Variants in PIGO observed in about 807,000 individuals in gnomAD.
The protein encoded by PIGO is GPI ethanolamine phosphate transferase 3, catalytic subunit.
A neutral mutation model predicts 86.9 loss-of-function variants in PIGO; 66 were observed. The ratio of observed to expected loss-of-function variants is 0.76; its 90% CI spans 0.62 to 0.93. The LOEUF (loss-of-function observed/expected upper bound fraction) is 0.93. PIGO is among the 40% of genes least tolerant of loss of function. The probability of loss-of-function intolerance (pLI) is 0.00; values close to 1 mark genes in which losing one functional copy is unlikely to be tolerated. For synonymous variants in PIGO, 570 were observed against 556.4 expected, an observed-to-expected ratio of 1.02 and a Z score of -0.34; for missense variants, 1,202 against 1,359.1, an observed-to-expected ratio of 0.88 and a Z score of 1.82.
Position 35,088,842 on chromosome 9 carries a change from G to A in PIGO, c.*250C>T. 1.9e-5 allele frequency: 8 copies of A among 428,940 alleles called. No homozygotes were observed. In the South Asian group the frequency reaches 2.0e-4, roughly 11 times the overall value. The allele number at this position is 428,940 out of a possible 1,614,324, so 26.6% of individuals were successfully genotyped here. On this transcript the variant is annotated 3_prime_UTR_variant, in exon 11 of 11. Transcript: ENST00000378617. ...TTATAGGTGCAAGTCACCACGCCCG[G>A]CCTATTTTATTCCACTTCGGAGACC...
chr9:35,089,657 G>A, intron 9 of PIGO: 4 of 1,434,634 alleles, frequency 2.8e-6, no homozygotes, highest in South Asian at 3.0e-5. Context: ...CTTTGGGCAA[G>A]TCAGTATCCA....
At position 35,095,077 on chromosome 9, in the gene PIGO, G is replaced by A. The variant is rs1265046370; in HGVS notation, c.489C>T (p.Leu163=). The A allele has an allele frequency of 1.9e-6, 3 of 1,609,918 alleles. No homozygotes were observed. Among genetic ancestry groups the A allele is most frequent in the East Asian group, 2.2e-5 (1 of 44,826 alleles). The change falls in exon 2 of 11, where the codon CTC becomes CTT. Residue 163 remains leucine (L), a synonymous_variant. Coordinates refer to ENST00000378617, the MANE Select transcript of PIGO (RefSeq NM_032634.4). Reference sequence around the variant, plus strand: ...GACCTGCACTGGTGAGCTGCTTAATGAGATTGTCTTCCACTATGGCGTGGC... The same window carrying A: ...GACCTGCACTGGTGAGCTGCTTAATAAGATTGTCTTCCACTATGGCGTGGC... ...FASHAIVEDN[L]IKQLTSAGRR... is the part of the protein sequence containing the mutation.
At position 35,091,524 on chromosome 9, in the gene PIGO, G is replaced by C. The variant is rs1390807512; in HGVS notation, c.2363C>G (p.Thr788Ser). The C allele has an allele frequency of 6.2e-7, 1 of 1,614,094 alleles. No homozygotes were observed. The highest frequency in any genetic ancestry group is 8.5e-7 in the Non-Finnish European group (1 of 1,180,050). The change falls in exon 7 of 11, where the codon ACT (threonine) becomes AGT (serine). Residue 788 changes from threonine to serine, a missense_variant. By Grantham distance (58) the Thr-to-Ser change is moderately conservative. Transcript: ENST00000378617. ...TVLTPFSGPP[T>S]SQADLDYVVP... ...CACATAATCCAAGTCAGCTTGAGAA[G>C]TGGGGGGGCCTGAGAAGGGAGTGAG...
In PIGO at chr9:35,095,249, G is replaced by A. The variant is rs1346782397; in HGVS notation, c.317C>T (p.Ser106Phe). 1.2e-6 allele frequency: 2 copies of A among 1,614,166 alleles called. No individual in the cohort carries two copies. Among genetic ancestry groups the A allele is most frequent in the Admixed American group, 1.7e-5 (1 of 60,016 alleles). ...CTGAATCTCCAGGATCCTCTGCAAG[G>A]AGCTTAGTTTGCCCAGGAAGGGTAG... ...VSLPFLGKLSSLQRILEIQPH... is the reference protein window; with the variant it reads ...VSLPFLGKLSFLQRILEIQPH... Residue 106 changes from serine (S) to phenylalanine (F), a missense_variant, in exon 2 of 11, where the codon TCC (serine) becomes TTC (phenylalanine). Transcript: ENST00000378617.
At chr9:35,095,696 C>T in intron 1 of PIGO, 130 bp from the exon 2 acceptor site, 1 of 1,183,554 alleles carries the variant, frequency 8.4e-7, no homozygotes. Flanking sequence ...CATTTCACAG[C>T]CAACCCCTCG....
chr9:35,088,926 G>T lies in PIGO; in HGVS notation c.*166C>A. 1 of 944,422 alleles carries T rather than the reference G, an allele frequency of 1.1e-6. No homozygotes were observed. Among genetic ancestry groups the T allele is most frequent in the Non-Finnish European group, 1.6e-6 (1 of 633,886 alleles). The allele number at this position is 944,422 out of a possible 1,614,324, so 58.5% of individuals were successfully genotyped here. A position where few individuals can be genotyped will look rare whatever the true frequency, so the allele number is the denominator to read the frequency against. On this transcript the variant is annotated 3_prime_UTR_variant, in exon 11 of 11. Coordinates refer to ENST00000378617, the MANE Select transcript of PIGO (RefSeq NM_032634.4). ...GAGTTAGGGATCATACTCCACTGTG[G>T]TCCTGAATTATAGAATAATGAAGTC... is the stretch of plus-strand genomic sequence containing the variant.
chr9:35,091,767 C>A lies in PIGO; in HGVS notation c.2120G>T (p.Gly707Val). The stretch of plus-strand genomic sequence containing the variant: ...AGTACCCAATGCCATTAGGGGCAGT[C>A]CCCAGCGCACAAAGAGCATGGGTGG... Reference protein sequence around the residue: ...PEPPMLFVRWGLPLMALGTAA... With the variant: ...PEPPMLFVRWVLPLMALGTAA... Residue 707 changes from glycine to valine, a missense_variant, in exon 7 of 11, where the codon GGA (glycine) becomes GTA (valine). Physicochemically the swap from Gly to Val is moderately radical, Grantham distance 109. Coordinates refer to ENST00000378617, the MANE Select transcript of PIGO (RefSeq NM_032634.4). 1.2e-6 allele frequency: 2 copies of A among 1,612,132 alleles called. No individual in the cohort carries two copies. The highest frequency in any genetic ancestry group is 1.7e-6 in the Non-Finnish European group (2 of 1,180,032).
intron 5 of PIGO, 23 bp from the exon 6 acceptor site, chr9:35,093,232 A>C (rs751158949): frequency 1.3e-6 from 2 of 1,599,176 alleles, no homozygotes; most frequent in Non-Finnish European, 1.7e-6. Context: ...GACAGTGGTC[A>C]ACAGATTCAT....
At position 35,091,457 on chromosome 9, in the gene PIGO, GC is replaced by G; in HGVS notation, c.2429del (p.Gly810AlafsTer3). 6.2e-7 allele frequency: 1 copy of G among 1,614,182 alleles called. No individual in the cohort carries two copies. The highest frequency in any genetic ancestry group is 8.5e-7 in the Non-Finnish European group (1 of 1,180,018). ...CCTGAGATTTGGTCCTCTCTAACCGGCCCCGGAACTCCTCCTGCATGTGTCG... is the reference window on the plus strand; with the variant it reads ...CCTGAGATTTGGTCCTCTCTAACCGGCCCGGAACTCCTCCTGCATGTGTCG... The part of the protein sequence containing the change: ...IYRHMQEEFR[G>X]RLERTKSQGP... On this transcript the variant is annotated frameshift_variant, in exon 7 of 11. Transcript: ENST00000378617. LOFTEE classifies it high-confidence loss of function.
intron 9 of PIGO, 196 bp downstream of exon 9, chr9:35,089,870 A>T: frequency 7.0e-7 from 1 of 1,421,050 alleles, no homozygotes; most frequent in Non-Finnish European, 9.2e-7. Context: ...TGTAGAGGGG[A>T]AATGATCCAG....
Position 35,095,512 on chromosome 9 carries a change from G to A in PIGO, c.54C>T (p.Tyr18=), listed in dbSNP as rs773054712. 1.2e-5 allele frequency: 20 copies of A among 1,607,944 alleles called. No homozygotes were observed. In the East Asian group the frequency reaches 3.1e-4, roughly 25 times the overall value. ...CACTGGTGAAGAGGGCAATGCCAGC[G>A]TAGAAGAGGAAGCAGACCCAGGCCA... ...LFLAWVCFLF[Y]AGIALFTSGF... Residue 18 remains tyrosine (Y), a synonymous_variant, in exon 2 of 11, where the codon TAC becomes TAT. Coordinates refer to ENST00000378617, the MANE Select transcript of PIGO (RefSeq NM_032634.4).
At position 35,095,270 on chromosome 9, in the gene PIGO, G is replaced by T. The variant is rs764080566; in HGVS notation, c.296C>A (p.Pro99His). Residue 99 changes from proline to histidine, a missense_variant, in exon 2 of 11, where the codon CCC (proline) becomes CAC (histidine). Transcript: ENST00000378617. ...HVPREPPVSL[P>H]FLGKLSSLQR... ...CAAGGAGCTTAGTTTGCCCAGGAAG[G>T]GTAGGGAGACAGGAGGCTCTCTAGG... The T allele has an allele frequency of 6.2e-7, 1 of 1,614,146 alleles. No homozygotes were observed. Among genetic ancestry groups the T allele is most frequent in the Non-Finnish European group, 8.5e-7 (1 of 1,180,014 alleles).
In PIGO at chr9:35,091,584, T is replaced by G; in HGVS notation, c.2303A>C (p.Lys768Thr). The G allele has an allele frequency of 6.2e-7, 1 of 1,613,974 alleles. No homozygotes were observed. Among genetic ancestry groups the G allele is most frequent in the Non-Finnish European group, 8.5e-7 (1 of 1,180,008 alleles). Residue 768 changes from lysine to threonine, a missense_variant, in exon 7 of 11, where the codon AAG (lysine) becomes ACG (threonine). Transcript: ENST00000378617. ...GGTCCTTGGAGCGCCTGCCCCAGCC[T>G]TCACCAGCACTGTCACAGGCTTCCA... ...LLWKPVTVLV[K>T]AGAGAPRTRT...
rs775325953 is a variant in PIGO at position 35,090,155 on chromosome 9, T to C, written c.2980A>G (p.Met994Val). 12 of 1,614,232 alleles carry C rather than the reference T, an allele frequency of 7.4e-6. No homozygotes were observed. Among genetic ancestry groups the C allele is most frequent in the Non-Finnish European group, 1.0e-5 (12 of 1,180,040 alleles). ...VRPEEEEEPL[M>V]EMRLRDAPQH... ...GGCGCATCCCGGAGCCGCATCTCCA[T>C]CAGTGGCTCCTCTTCCTCCTCGGGT... Residue 994 changes from methionine to valine, a missense_variant, in exon 9 of 11, where the codon ATG becomes GTG. Transcript: ENST00000378617.
rs2131081122 is a variant in PIGO at position 35,094,034 on chromosome 9, G to A, written c.656-10C>T. The stretch of plus-strand genomic sequence containing the variant: ...CATTCACCACTGTCCACTGTGAAGG[G>A]GAGAACACTGAGCACAGAAGACTAA... On this transcript the variant is annotated splice_polypyrimidine_tract_variant and intron_variant, in intron 3 of 10. Transcript: ENST00000378617. 2.2e-5 allele frequency: 35 copies of A among 1,612,446 alleles called. No individual in the cohort carries two copies. Among genetic ancestry groups the A allele is most frequent in the Non-Finnish European group, 3.0e-5 (35 of 1,179,188 alleles).
intron 4 of PIGO, 143 bp from the exon 5 acceptor site, chr9:35,093,723 C>T (rs1046322024): frequency 7.1e-6 from 10 of 1,412,236 alleles, no homozygotes; most frequent in Middle Eastern, 3.8e-4. Flanking sequence ...GACATGTCTT[C>T]GGCCATGATC....
intron 7 of PIGO, 175 bp from the exon 8 acceptor site, chr9:35,090,847 C>T (rs1250491162): frequency 8.8e-6 from 6 of 680,456 alleles, no homozygotes; most frequent in Non-Finnish European, 1.2e-5. Context: ...CTCTGTGGTA[C>T]AAAAGCGCCA....
chr9:35,093,621 TATTTTTCTCAAAAAGAAAAAAG>T (rs1563999887), intron 4 of PIGO, 41 bp from the exon 5 acceptor site: 2 of 1,549,664 alleles, frequency 1.3e-6, no homozygotes, highest in Admixed American at 2.2e-5. Context: ...AACGGATAAA[TATTTTTCTCAAAAAGAAAAAAG>T]ATTTTTCTCC....
In PIGO at chr9:35,095,140, T is replaced by C; in HGVS notation, c.426A>G (p.Ser142=). 1 of 1,614,142 alleles carries C rather than the reference T, an allele frequency of 6.2e-7. No homozygotes were observed. Among genetic ancestry groups the C allele is most frequent in the Non-Finnish European group, 8.5e-7 (1 of 1,180,004 alleles). The change falls in exon 2 of 11, where the codon TCA becomes TCG. Residue 142 remains serine, a synonymous_variant. Coordinates refer to ENST00000378617, the MANE Select transcript of PIGO (RefSeq NM_032634.4). ...TACCAGCATCAATAAAGGTAGGCAGTGAGCCAGTGGTGAGGGCCTTGAGGC... is the reference window on the plus strand; with the variant it reads ...TACCAGCATCAATAAAGGTAGGCAGCGAGCCAGTGGTGAGGGCCTTGAGGC... The part of the protein sequence containing the change: ...MQRLKALTTG[S]LPTFIDAGSN...
Sources: gnomAD v4.1 joint callset for allele counts on GRCh38, gnomAD v4.1.1 for gene constraint, MANE v1.5 for transcripts, NCBI Gene and HGNC (gene_info 2026-07-23, HGNC 2026-07-21) for gene names.